JAK3: variants seen among roughly 807,000 people sequenced by gnomAD.
JAK3 encodes the protein Janus kinase 3, also known as tyrosine-protein kinase JAK3.
A neutral mutation model predicts 120.8 loss-of-function variants in JAK3; 88 were observed. The observed-to-expected ratio is 0.73, with a 90% CI of 0.61 to 0.87. The LOEUF (loss-of-function observed/expected upper bound fraction) is 0.87, where lower values mean the gene tolerates loss of function less well. Among genes scored for constraint, JAK3 ranks in the 40% least tolerant of loss-of-function variants. The pLI, the probability that JAK3 is intolerant of heterozygous loss-of-function variation, is 0.00. For missense variants in JAK3, 1,254 were observed against 1,501.4 expected, an observed-to-expected ratio of 0.84 and a Z score of 2.72; for synonymous variants, 592 against 628.6, an observed-to-expected ratio of 0.94 and a Z score of 0.87.
At position 17,841,884 on chromosome 19, in the gene JAK3, C is replaced by T; in HGVS notation, c.862-122G>A. 7.2e-7 allele frequency: 1 copy of T among 1,380,762 alleles called. No individual in the cohort carries two copies. The allele number at this position is 1,380,762 out of a possible 1,614,324, so 85.5% of individuals were successfully genotyped here. A position where few individuals can be genotyped will look rare whatever the true frequency, so the allele number is the denominator to read the frequency against. On this transcript the variant is annotated intron_variant, in intron 6 of 23. Transcript: ENST00000458235. This position sits in a 1 kb window ranked among gnomAD's most constrained non-coding sequence, Gnocchi z 4.1. ...CCCTTTGCCATTCAACCCTTCCAAG[C>T]CGCGCCCCCTCCTATCAACTCCAAC...
chr19:17,826,935 G>A (rs770880344), intron 23 of JAK3, 25 bp from the exon 24 acceptor site: 1 of 1,601,970 alleles, frequency 6.2e-7, no homozygotes, highest in South Asian at 1.1e-5. Context: ...ACAGATAATG[G>A]GGTCGTGCCT....
chr19:17,843,109 A>C lies in JAK3; in HGVS notation c.484T>G (p.Cys162Gly). The change falls in exon 5 of 24, where the codon TGT becomes GGT. Residue 162 changes from cysteine to glycine, a missense_variant. Transcript: ENST00000458235. This position sits in a 1 kb window ranked among gnomAD's most constrained non-coding sequence, Gnocchi z 5.4. ...AGGTCCAACACGGCCAGGCTGAGAC[A>C]CTCACCCTGCTCCTTGAGACTGAGG... ...VGLSLKEQGE[C>G]LSLAVLDLAR... The C allele has an allele frequency of 6.2e-7, 1 of 1,610,024 alleles. No individual in the cohort carries two copies. Among genetic ancestry groups the C allele is most frequent in the Non-Finnish European group, 8.5e-7 (1 of 1,179,888 alleles).
chr19:17,829,782 A>C (rs1269458823), intron 23 of JAK3: 5 of 457,438 alleles, frequency 1.1e-5, no homozygotes, highest in Non-Finnish European at 1.9e-5. Flanking sequence ...AAAAAAAAAA[A>C]CCATGAACGT....
chr19:17,826,425 C>T lies in JAK3; in HGVS notation c.*318G>A, dbSNP rs1265805253. On this transcript the variant is annotated 3_prime_UTR_variant, in exon 24 of 24. Transcript: ENST00000458235. ...AATAAAAAAAATAAAAAGAGAGAGA[C>T]AGAAAAGGAAACTCAGGGGGCCAGG... The T allele has an allele frequency of 1.4e-5, 5 of 355,608 alleles. No homozygotes were observed. The Admixed American group carries it at 1.7e-4, about 12-fold the overall frequency. 22.0% of individuals were successfully genotyped at this position (355,608 alleles called of 1,614,324 possible).
intron 1 of JAK3, among the ~76,000 whole-genome samples, chr19:17,846,510 C>T (rs1211694962): frequency 2.6e-5 from 4 of 152,174 alleles, no homozygotes; most frequent in African/African-American, 7.2e-5. Flanking sequence ...TCTAGTTTTG[C>T]CCTTTATAGA....
Position 17,831,291 on chromosome 19 carries a change from T to A in JAK3, c.2915A>T (p.Lys972Met). Residue 972 changes from lysine (K) to methionine (M), a missense_variant, in exon 21 of 24, where the codon AAG becomes ATG. Lys to Met is a moderately conservative substitution (Grantham distance 95). This residue lies in a region of JAK3 where 630 missense variants were observed against 819.8 expected (regional missense o/e 0.77). Transcript: ENST00000458235. This position sits in a 1 kb window ranked among gnomAD's most constrained non-coding sequence, Gnocchi z 5.1. Reference sequence around the variant, plus strand: ...GTAGTCTTTGTCAAGCGGCAGCAGCTTAGCTAGGCCGAAGTCAGCGATCTT... The same window carrying A: ...GTAGTCTTTGTCAAGCGGCAGCAGCATAGCTAGGCCGAAGTCAGCGATCTT... ...HVKIADFGLA[K>M]LLPLDKDYYV... The A allele has an allele frequency of 6.2e-7, 1 of 1,612,834 alleles. No homozygotes were observed. Among genetic ancestry groups the A allele is most frequent in the Non-Finnish European group, 8.5e-7 (1 of 1,179,848 alleles).
chr19:17,830,480 G>A, intron 22 of JAK3, 23 bp downstream of exon 22: 1 of 1,583,040 alleles, frequency 6.3e-7, no homozygotes, highest in Non-Finnish European at 8.7e-7. Flanking sequence ...AAGAAGGCTG[G>A]GGGCTCTGGG....
intron 2 of JAK3, 70 bp downstream of exon 2, chr19:17,844,164 C>T: frequency 6.8e-7 from 1 of 1,471,380 alleles, no homozygotes; most frequent in African/African-American, 1.4e-5. Flanking sequence ...GGCAACTATT[C>T]CAGCTTCCAA....
chr19:17,827,483 G>A (rs539108608), intron 23 of JAK3, among the ~76,000 whole-genome samples: 1 of 151,572 alleles, frequency 6.6e-6, no homozygotes, highest in African/African-American at 2.4e-5. Context: ...AAGTAGCTGG[G>A]ATTACATGCA....
intron 9 of JAK3, 44 bp from the exon 10 acceptor site, chr19:17,839,707 C>A: frequency 2.9e-6 from 4 of 1,356,244 alleles, no homozygotes; most frequent in Non-Finnish European, 3.1e-6. Context: ...GCGACAGACA[C>A]TCTCCTTCTC....
In JAK3 at chr19:17,835,905, C is replaced by A. The variant is rs2147684069; in HGVS notation, c.1914+19G>T. 6.2e-7 allele frequency: 1 copy of A among 1,613,340 alleles called. No individual in the cohort carries two copies. Among genetic ancestry groups the A allele is most frequent in the Non-Finnish European group, 8.5e-7 (1 of 1,179,994 alleles). ...CCTTCCCTGGGAATGGAGGGTGGAG[C>A]AGGCAGAGGAGCACTCACCAGATAG... On this transcript the variant is annotated intron_variant, in intron 14 of 23. Transcript: ENST00000458235.
chr19:17,838,111 A>T (rs746618018), intron 11 of JAK3, 48 bp from the exon 12 acceptor site: 1 of 1,613,778 alleles, frequency 6.2e-7, no homozygotes, highest in Non-Finnish European at 8.5e-7. Flanking sequence ...GGGTTCCTGC[A>T]GGATCCCAGC....
rs767325927 is a variant in JAK3, at chr19:17,831,790, T to C, written c.2689A>G (p.Ser897Gly). 1 of 1,612,802 alleles carries C rather than the reference T, an allele frequency of 6.2e-7. No homozygotes were observed. The highest frequency in any genetic ancestry group is 8.5e-7 in the Non-Finnish European group (1 of 1,179,838). Residue 897 changes from serine (S) to glycine (G), a missense_variant, in exon 20 of 24, where the codon AGC (serine) becomes GGC (glycine). Ser to Gly is a moderately conservative substitution (Grantham distance 56). Transcript: ENST00000458235. The surrounding 1 kb of genome is among the most constrained non-coding windows in gnomAD (Gnocchi z 5.1). ...RGVSYGPGRQ[S>G]LRLVMEYLPS... ...AGGTACTCCATGACCAGCCGCAGGC[T>C]CTGGCGGCCTGGAGAAGGCAGGATC...
Position 17,838,306 on chromosome 19 carries a change from C to T in JAK3, c.1526G>A (p.Ser509Asn). 1 of 1,614,142 alleles carries T rather than the reference C, an allele frequency of 6.2e-7. No individual in the cohort carries two copies. Among genetic ancestry groups the T allele is most frequent in the South Asian group, 1.1e-5 (1 of 91,084 alleles). ...LVQPQSQYQL[S>N]QMTFHKIPAD... is the part of the protein sequence containing the mutation. The stretch of plus-strand genomic sequence containing the variant: ...AGGGATCTTGTGAAATGTCATCTGA[C>T]TCAGCTGGTATTGGGATTGGGGCTG... The change falls in exon 11 of 24, where the codon AGT (serine) becomes AAT (asparagine). Residue 509 changes from serine to asparagine, a missense_variant. Coordinates refer to ENST00000458235, the MANE Select transcript of JAK3 (RefSeq NM_000215.4).
rs138201425 is a variant in JAK3 at position 17,843,070 on chromosome 19, G to C, written c.523C>G (p.Arg175Gly). The C allele has an allele frequency of 1.1e-5, 18 of 1,610,730 alleles. No homozygotes were observed. Among genetic ancestry groups the C allele is most frequent in the Non-Finnish European group, 9.3e-6 (11 of 1,179,928 alleles). ...TCTCCCGGCCGCTGGGCCTGCTCTC[G>C]CGCCATCCGGGCCAGGTCCAACACG... ...LAVLDLARMA[R>G]EQAQRPGELL... is the part of the protein sequence containing the mutation. Residue 175 changes from arginine to glycine, a missense_variant, in exon 5 of 24, where the codon CGA becomes GGA. By Grantham distance (125) the Arg-to-Gly change is moderately radical (BLOSUM62 -2). Transcript: ENST00000458235. This position sits in a 1 kb window ranked among gnomAD's most constrained non-coding sequence, Gnocchi z 5.4.
In JAK3 at chr19:17,835,201, C is replaced by T. The variant is rs138645044; in HGVS notation, c.1929G>A (p.Leu643=). The change falls in exon 15 of 24, where the codon CTG becomes CTA. Residue 643 remains leucine, a synonymous_variant. Coordinates refer to ENST00000458235, the MANE Select transcript of JAK3 (RefSeq NM_000215.4). The part of the protein sequence containing the change: ...YALNYLEDKG[L]PHGNVSARKV... Reference sequence around the variant, plus strand: ...TCCGGGCAGAGACATTGCCATGGGGCAGGCCTTTGTCCTCCTAAGGGGGCC... The same window carrying T: ...TCCGGGCAGAGACATTGCCATGGGGTAGGCCTTTGTCCTCCTAAGGGGGCC... 2,029 of 1,613,996 alleles carry T rather than the reference C, an allele frequency of 1.3e-3. 4 individuals are homozygous for T. Among genetic ancestry groups the T allele is most frequent in the Non-Finnish European group, 1.5e-3 (1,791 of 1,180,046 alleles).
chr19:17,842,282 G>T lies in JAK3; in HGVS notation c.861+34C>A. The T allele has an allele frequency of 1.4e-6, 1 of 732,448 alleles. No homozygotes were observed. 45.4% of individuals were successfully genotyped at this position (732,448 alleles called of 1,614,324 possible). A position where few individuals can be genotyped will look rare whatever the true frequency, so the allele number is the denominator to read the frequency against. ...GCCCCTCCCCGAGCCCCGCCCCCAC[G>T]TTGGCCCCGCCCAGCGGGGGAGTCC... On this transcript the variant is annotated intron_variant, in intron 6 of 23. Coordinates refer to ENST00000458235, the MANE Select transcript of JAK3 (RefSeq NM_000215.4). This position sits in a 1 kb window ranked among gnomAD's most constrained non-coding sequence, Gnocchi z 6.4.
chr19:17,832,852 C>T lies in JAK3; in HGVS notation c.2428G>A (p.Ala810Thr). ...TCGAAGATCGTGGGGTCTTGGCAGG[C>T]ATAGAGCTGGGCACCATTCCACAGC... ...DGLWNGAQLYACQDPTIFEER... is the reference protein window; with the variant it reads ...DGLWNGAQLYTCQDPTIFEER... The change falls in exon 18 of 24, where the codon GCC becomes ACC. Residue 810 changes from alanine to threonine, a missense_variant. Physicochemically the swap from Ala to Thr is moderately conservative, Grantham distance 58 (BLOSUM62 0). Coordinates refer to ENST00000458235, the MANE Select transcript of JAK3 (RefSeq NM_000215.4). The surrounding 1 kb of genome is among the most constrained non-coding windows in gnomAD (Gnocchi z 4.7). 6.2e-7 allele frequency: 1 copy of T among 1,614,256 alleles called. No homozygotes were observed. The highest frequency in any genetic ancestry group is 8.5e-7 in the Non-Finnish European group (1 of 1,180,048).
At position 17,830,619 on chromosome 19, in the gene JAK3, A is replaced by G. The variant is rs765672110; in HGVS notation, c.2980T>C (p.Tyr994His). 3 of 1,612,628 alleles carry G rather than the reference A, an allele frequency of 1.9e-6. No individual in the cohort carries two copies. The highest frequency in any genetic ancestry group is 2.2e-5 in the South Asian group (2 of 91,010). ...REPGQSPIFWYAPESLSDNIF... is the reference protein window; with the variant it reads ...REPGQSPIFWHAPESLSDNIF... Reference sequence around the variant, plus strand: ...TTGTCCGAGAGGGATTCGGGGGCATACCTGGAGAGGGGACAAGGTCTTGAG... The same window carrying G: ...TTGTCCGAGAGGGATTCGGGGGCATGCCTGGAGAGGGGACAAGGTCTTGAG... The change falls in exon 22 of 24, where the codon TAT (tyrosine) becomes CAT (histidine). Residue 994 changes from tyrosine to histidine, a missense_variant and splice_region_variant. Around this residue, in one of 3 missense-constraint regions of JAK3, gnomAD observed 630 missense variants for 819.8 expected, o/e 0.77. Transcript: ENST00000458235.
Sources: allele counts gnomAD v4.1 joint callset (sites outside exome capture counted in the v4.1 genomes callset), GRCh38; gene constraint gnomAD v4.1.1; regional missense constraint gnomAD v4.1.1; non-coding constraint Gnocchi (gnomAD v3.1); transcripts MANE v1.5; gene names NCBI Gene and HGNC (gene_info 2026-07-23, HGNC 2026-07-21).